The following LRRC3B variants were observed in gnomAD, a reference collection of about 807,000 sequenced individuals.
LRRC3B encodes leucine rich repeat containing 3B, also known as leucine-rich repeat-containing protein 3B.
In LRRC3B, 2 loss-of-function variants were observed where a neutral mutation model predicts 12.8. The ratio of observed to expected loss-of-function variants is 0.16; its 90% CI spans 0.06 to 0.49. The LOEUF (loss-of-function observed/expected upper bound fraction) is 0.49, where lower values mean the gene tolerates loss of function less well. LRRC3B is among the 20% of genes least tolerant of loss of function. LRRC3B has a pLI of 0.96. For synonymous variants in LRRC3B, 132 were observed against 122.0 expected, an observed-to-expected ratio of 1.08 and a Z score of -0.54; for missense variants, 189 against 319.4, an observed-to-expected ratio of 0.59 and a Z score of 3.11.
chr3:26,703,815 G>A (rs1559373673), intron 1 of LRRC3B, among the ~76,000 whole-genome samples: 1 of 151,676 alleles, frequency 6.6e-6, no homozygotes, highest in Non-Finnish European at 1.5e-5. Context: ...ATAATTCATT[G>A]TTCTTTCATT....
At chr3:26,676,080 T>C (rs1699853965) in intron 1 of LRRC3B, among the ~76,000 whole-genome samples, 1 of 151,788 alleles carries the variant, frequency 6.6e-6, no homozygotes, top group Non-Finnish European at 1.5e-5. Flanking sequence ...TGTTTTTTCT[T>C]TTTTTTTAAT....
At chr3:26,676,325 C>A (rs1699860586) in intron 1 of LRRC3B, among the ~76,000 whole-genome samples, 1 of 147,850 alleles carries the variant, frequency 6.8e-6, no homozygotes, top group Non-Finnish European at 1.5e-5. Flanking sequence ...TGAGTGAGAA[C>A]ATGCAGTGTT....
intron 1 of LRRC3B, among the ~76,000 whole-genome samples, chr3:26,662,323 A>G (rs1257665616): frequency 2.0e-5 from 3 of 152,156 alleles, no homozygotes; most frequent in African/African-American, 7.2e-5. Flanking sequence ...CTTGTTTGCT[A>G]GGACTGATAT....
intron 1 of LRRC3B, among the ~76,000 whole-genome samples, chr3:26,697,254 G>A (rs1466673947): frequency 6.6e-6 from 1 of 152,124 alleles, no homozygotes; most frequent in African/African-American, 2.4e-5. Flanking sequence ...ATCAATTTTG[G>A]GGGTATGGCC....
chr3:26,693,253 C>T (rs1258657439), intron 1 of LRRC3B, among the ~76,000 whole-genome samples: 5 of 141,190 alleles, frequency 3.5e-5, no homozygotes, highest in Non-Finnish European at 7.5e-5. Context: ...GGCGTGAACC[C>T]GGGAGGCGGA....
chr3:26,681,953 C>T (rs1486044481), intron 1 of LRRC3B, among the ~76,000 whole-genome samples: 3 of 152,048 alleles, frequency 2.0e-5, no homozygotes, highest in Admixed American at 1.3e-4. Flanking sequence ...CATTTCTTGT[C>T]ATATTATATC....
chr3:26,671,367 TATATATAGAGAG>T (rs1277441106), intron 1 of LRRC3B, among the ~76,000 whole-genome samples: 9 of 40,318 alleles, frequency 2.2e-4, no homozygotes, highest in South Asian at 9.8e-4. Flanking sequence ...TATATATATA[TATATATAGAGAG>T]AGAGAGAGAG....
intron 1 of LRRC3B, among the ~76,000 whole-genome samples, chr3:26,707,402 A>C (rs1436029818): frequency 6.6e-6 from 1 of 151,976 alleles, no homozygotes; most frequent in African/African-American, 2.4e-5. Context: ...AATAAAGCTG[A>C]TATACAAACT....
chr3:26,632,701 A>G (rs1698784137), intron 1 of LRRC3B, among the ~76,000 whole-genome samples: 1 of 152,170 alleles, frequency 6.6e-6, no homozygotes, highest in South Asian at 2.1e-4. Flanking sequence ...GGAACATTAG[A>G]TAAGTGGGAA....
At chr3:26,642,875 G>A (rs146537989) in intron 1 of LRRC3B, among the ~76,000 whole-genome samples, 1 of 152,012 alleles carries the variant, frequency 6.6e-6, no homozygotes, top group Non-Finnish European at 1.5e-5. Flanking sequence ...AAATTAGCTG[G>A]GTGTGGTGGT....
chr3:26,665,584 G>C (rs1699581854), intron 1 of LRRC3B, among the ~76,000 whole-genome samples: 2 of 152,084 alleles, frequency 1.3e-5, no homozygotes, highest in African/African-American at 4.8e-5. Context: ...GAGGCAACAA[G>C]CTATAAAAAC....
rs1698910212 is a variant in LRRC3B at position 26,636,962 on chromosome 3, CTTTCTTTCTTTCTCTCTCTCTCTT to C, written c.-161+13727_-161+13750del. Among the ~76,000 whole-genome samples, 3 of 124,236 alleles carry C rather than the reference CTTTCTTTCTTTCTCTCTCTCTCTT, an allele frequency of 2.4e-5. 1 individual carries two copies. The highest frequency in any genetic ancestry group is 7.9e-4 in the East Asian group (2 of 2,540). The allele number at this position is 124,236 out of a possible 152,430, so 81.5% of individuals were successfully genotyped here. A position where few individuals can be genotyped will look rare whatever the true frequency, so the allele number is the denominator to read the frequency against. ...TCTTTCTTTCTTTCTTTCTTTCTTT[CTTTCTTTCTTTCTCTCTCTCTCTT>C]TCTCTCTTTCTCTCTTTCTTTCTTT... On this transcript the variant is annotated intron_variant, in intron 1 of 1. Transcript: ENST00000396641.
chr3:26,666,639 CCT>C (rs1294574576), intron 1 of LRRC3B, among the ~76,000 whole-genome samples: 1 of 152,034 alleles, frequency 6.6e-6, no homozygotes, highest in African/African-American at 2.4e-5. Context: ...CCAAGTTTCC[CCT>C]GTTGTTCACA....
At chr3:26,639,574 T>C (rs4973797) in intron 1 of LRRC3B, among the ~76,000 whole-genome samples, 58,579 of 146,578 alleles carry the variant, frequency 0.4, 12,965 homozygotes, top group Middle Eastern at 0.54. Context: ...AACTTAAATA[T>C]TTAGTTCCTC....
At chr3:26,689,169 C>A (rs183566793) in intron 1 of LRRC3B, among the ~76,000 whole-genome samples, 309 of 152,244 alleles carry the variant, frequency 2.0e-3, no homozygotes, top group Non-Finnish European at 3.2e-3. Flanking sequence ...AAAATGATGT[C>A]TTTTCTTCTA....
At chr3:26,633,519 A>C (rs972722834) in intron 1 of LRRC3B, among the ~76,000 whole-genome samples, 1 of 152,258 alleles carries the variant, frequency 6.6e-6, no homozygotes, top group South Asian at 2.1e-4. Flanking sequence ...ACAGGTTTGT[A>C]AAACAAGCAT....
At chr3:26,706,540 A>G (rs1483583369) in intron 1 of LRRC3B, among the ~76,000 whole-genome samples, 3 of 152,244 alleles carry the variant, frequency 2.0e-5, no homozygotes, top group East Asian at 3.9e-4. Context: ...AACAAGCATT[A>G]CATCCAGTTC....
intron 1 of LRRC3B, among the ~76,000 whole-genome samples, chr3:26,689,536 C>T (rs992378429): frequency 2.6e-5 from 4 of 152,130 alleles, no homozygotes; most frequent in Non-Finnish European, 5.9e-5. Flanking sequence ...TTTCCATTTC[C>T]CCAATGTGAG....
Position 26,672,822 on chromosome 3 carries a change from C to CTTAA in LRRC3B, c.-160-36688_-160-36685dup, listed in dbSNP as rs567843858. Among the ~76,000 whole-genome samples, 23 of 152,260 alleles carry CTTAA rather than the reference C, an allele frequency of 1.5e-4. No individual in the cohort carries two copies. The East Asian group carries it at 4.2e-3, about 28-fold the overall frequency. On this transcript the variant is annotated intron_variant, in intron 1 of 1. Coordinates refer to ENST00000396641, the Ensembl canonical transcript of LRRC3B. ...GTATATCCAAGTCTTTATGGAACAT[C>CTTAA]TTAATTCAGAAACAACTCCATAGTA...
Sources: gnomAD v4.1 joint callset for allele counts (sites outside exome capture counted in the v4.1 genomes callset) on GRCh38, gnomAD v4.1.1 for gene constraint, MANE v1.5 for transcripts, NCBI Gene and HGNC (gene_info 2026-07-23, HGNC 2026-07-21) for gene names.